CHRNA3: variants seen among roughly 807,000 people sequenced by gnomAD.
CHRNA3 encodes the protein cholinergic receptor nicotinic alpha 3 subunit, also known as neuronal acetylcholine receptor subunit alpha-3.
CHRNA3 carries 34 observed loss-of-function variants against 41.9 expected under a neutral mutation model. The ratio of observed to expected loss-of-function variants is 0.81; its 90% CI spans 0.62 to 1.08. The LOEUF is 1.08. Among genes scored for constraint, CHRNA3 ranks in the 50% least tolerant of loss-of-function variants. The pLI is 0.00. For missense variants in CHRNA3, 542 were observed against 638.3 expected (o/e 0.85, Z 1.63); for synonymous variants, 281 against 265.2 (o/e 1.06, Z -0.58).
At chr15:78,605,010 C>CTCAG (rs10634522) in intron 4 of CHRNA3, among the ~76,000 whole-genome samples, 150,504 of 151,970 alleles carry the variant, frequency 0.99, 74,545 homozygotes, top group East Asian at 1. Context: ...GAGATTCTGT[C>CTCAG]TCAGTCAATC....
rs1405021993 is a variant in CHRNA3, at chr15:78,601,307, G to A, written c.1335C>T (p.Ile445=). 1 of 1,614,120 alleles carries A rather than the reference G, an allele frequency of 6.2e-7. No individual in the cohort carries two copies. Among genetic ancestry groups the A allele is most frequent in the Non-Finnish European group, 8.5e-7 (1 of 1,180,016 alleles). The change falls in exon 5 of 6, where the codon ATC becomes ATT. Residue 445 remains isoleucine, a synonymous_variant. Transcript: ENST00000326828. The stretch of plus-strand genomic sequence containing the variant: ...TTTCAGCAATATACTTGACACTTTG[G>A]ATGGCTTCTTTGATTTCTGGTGACA... ...SALSPEIKEA[I]QSVKYIAENM...
chr15:78,598,892 G>C (rs2053153934), intron 5 of CHRNA3, among the ~76,000 whole-genome samples: 1 of 144,278 alleles, frequency 6.9e-6, no homozygotes, highest in South Asian at 2.2e-4. Context: ...GGAGTCCAGT[G>C]GTGTGATCTT....
Position 78,618,677 on chromosome 15 carries a change from A to G in CHRNA3, c.223-16T>C, listed in dbSNP as rs1241522015. 2 of 1,613,760 alleles carry G rather than the reference A, an allele frequency of 1.2e-6. No homozygotes were observed. The highest frequency in any genetic ancestry group is 2.2e-5 in the South Asian group (2 of 91,090). ...TTACTTCATCCTAGAAAGAGGAATT[A>G]AAGTTGACAGGAGAATTACAAAACA... On this transcript the variant is annotated splice_polypyrimidine_tract_variant and intron_variant, in intron 2 of 5. Coordinates refer to ENST00000326828, the MANE Select transcript of CHRNA3 (RefSeq NM_000743.5).
rs1276549912 is a variant in CHRNA3 at position 78,620,808 on chromosome 15, G to T, written c.-14C>A. On this transcript the variant is annotated 5_prime_UTR_variant, in exon 1 of 6. Coordinates refer to ENST00000326828, the MANE Select transcript of CHRNA3 (RefSeq NM_000743.5). ...GCCAGAGCCCATGGCTGGTGGCCGG[G>T]CTGGCCGCGGACCCGGACGGTCGGG... 1 of 1,411,202 alleles carries T rather than the reference G, an allele frequency of 7.1e-7. No individual in the cohort carries two copies. Among genetic ancestry groups the T allele is most frequent in the Non-Finnish European group, 9.2e-7 (1 of 1,090,554 alleles). The allele number at this position is 1,411,202 out of a possible 1,614,324, so 87.4% of individuals were successfully genotyped here.
intron 2 of CHRNA3, 23 bp downstream of exon 2, chr15:78,618,753 G>T (rs1193013356): frequency 6.2e-7 from 1 of 1,614,058 alleles, no homozygotes; most frequent in East Asian, 2.2e-5. Flanking sequence ...CCATGGCCAC[G>T]GCTCGTGGCT....
In CHRNA3 at chr15:78,618,600, AG is replaced by A. The variant is rs1169853736; in HGVS notation, c.267+16del. Reference sequence around the variant, plus strand: ...TCACCACCAGGGGGCAGCAGTGCCTAGGGTCTGGTCACTTACTTGCTTGAGC... The same window carrying A: ...TCACCACCAGGGGGCAGCAGTGCCTAGGTCTGGTCACTTACTTGCTTGAGC... On this transcript the variant is annotated intron_variant, in intron 3 of 5. Coordinates refer to ENST00000326828, the MANE Select transcript of CHRNA3 (RefSeq NM_000743.5). The A allele has an allele frequency of 1.2e-6, 2 of 1,613,980 alleles. No homozygotes were observed. The highest frequency in any genetic ancestry group is 4.5e-5 in the East Asian group (2 of 44,886).
intron 1 of CHRNA3, chr15:78,620,406 T>G: frequency 2.4e-5 from 6 of 251,950 alleles, no homozygotes; most frequent in Non-Finnish European, 4.6e-5. Context: ...GGGACGCGAA[T>G]CCCCAACTCC....
At chr15:78,618,744 C>T (rs747590936) in intron 2 of CHRNA3, 32 bp downstream of exon 2, 1 of 1,614,180 alleles carries the variant, frequency 6.2e-7, no homozygotes, top group Admixed American at 1.7e-5. Context: ...CCCCGGTCCC[C>T]ATGGCCACGG....
chr15:78,617,198 T>C (rs1470256050), intron 3 of CHRNA3, 65 bp from the exon 4 acceptor site: 3 of 1,011,020 alleles, frequency 3.0e-6, no homozygotes, highest in Admixed American at 4.0e-5. Context: ...TTACTTCCCG[T>C]GGCACCACCC....
chr15:78,602,300 T>A, intron 4 of CHRNA3, 36 bp from the exon 5 acceptor site: 1 of 1,592,300 alleles, frequency 6.3e-7, no homozygotes, highest in African/African-American at 1.3e-5. Flanking sequence ...TGACACACGG[T>A]CATTAACACT....
intron 4 of CHRNA3, among the ~76,000 whole-genome samples, chr15:78,613,471 C>CA (rs1232191569): frequency 1.4e-5 from 2 of 146,854 alleles, no homozygotes; most frequent in Non-Finnish European, 3.0e-5. Context: ...ATCGCAAGGA[C>CA]AAAAAACCAA....
chr15:78,607,713 C>T (rs1016566256), intron 4 of CHRNA3, among the ~76,000 whole-genome samples: 1 of 152,204 alleles, frequency 6.6e-6, no homozygotes, highest in East Asian at 1.9e-4. Context: ...GAGTGCCAGA[C>T]AGTGGGTGCA....
At chr15:78,607,857 GT>G (rs1156608837) in intron 4 of CHRNA3, among the ~76,000 whole-genome samples, 3 of 152,162 alleles carry the variant, frequency 2.0e-5, no homozygotes, top group Non-Finnish European at 4.4e-5. Context: ...GGAAAATCGG[GT>G]CACTCCCACC....
At chr15:78,614,780 C>T (rs2053437279) in intron 4 of CHRNA3, among the ~76,000 whole-genome samples, 2 of 152,150 alleles carry the variant, frequency 1.3e-5, no homozygotes, top group African/African-American at 4.8e-5. Flanking sequence ...TGATATTCTT[C>T]AATACCCAGA....
chr15:78,602,137 C>G lies in CHRNA3; in HGVS notation c.505G>C (p.Asp169His). Reference sequence around the variant, plus strand: ...AACTTCATGGTACAGTTTTGGTAATCAAACGGGAAGTAGGTCACGTCGATT... The same window carrying G: ...AACTTCATGGTACAGTTTTGGTAATGAAACGGGAAGTAGGTCACGTCGATT... ...CKIDVTYFPF[D>H]YQNCTMKFGS... The change falls in exon 5 of 6, where the codon GAT (aspartate) becomes CAT (histidine). Residue 169 changes from aspartate to histidine, a missense_variant. Coordinates refer to ENST00000326828, the MANE Select transcript of CHRNA3 (RefSeq NM_000743.5). 1 of 1,614,122 alleles carries G rather than the reference C, an allele frequency of 6.2e-7. No individual in the cohort carries two copies.
intron 4 of CHRNA3, among the ~76,000 whole-genome samples, chr15:78,610,274 T>C (rs1417865201): frequency 6.6e-6 from 1 of 152,162 alleles, no homozygotes; most frequent in Non-Finnish European, 1.5e-5. Context: ...GAACATACAT[T>C]TTTTTCAGCA....
chr15:78,600,126 GGCTGGAGTGCAGTGGCATGATCACA>G (rs2053175354), intron 5 of CHRNA3: 1 of 152,076 alleles, frequency 6.6e-6, no homozygotes. Flanking sequence ...CTGTTACCCA[GGCTGGAGTGCAGTGGCATGATCACA>G]GCTCACTAGA....
At chr15:78,618,999 C>T (rs1250386001) in intron 1 of CHRNA3, 84 bp from the exon 2 acceptor site, 9 of 1,456,778 alleles carry the variant, frequency 6.2e-6, no homozygotes, top group Non-Finnish European at 8.5e-6. Flanking sequence ...CACCCATCTA[C>T]AGCATCCCCT....
Position 78,595,982 on chromosome 15 carries a change from T to G in CHRNA3, c.*622A>C. Reference sequence around the variant, plus strand: ...AACCTCCAAAACTGAGAAGTTTCTGTTGTTTATAATCCACCCAGTTTATGG... The same window carrying G: ...AACCTCCAAAACTGAGAAGTTTCTGGTGTTTATAATCCACCCAGTTTATGG... On this transcript the variant is annotated 3_prime_UTR_variant, in exon 6 of 6. Transcript: ENST00000326828. 1.1e-6 allele frequency: 1 copy of G among 891,280 alleles called. No individual in the cohort carries two copies. The highest frequency in any genetic ancestry group is 1.3e-6 in the Non-Finnish European group (1 of 744,908). The allele number at this position is 891,280 out of a possible 1,614,324, so 55.2% of individuals were successfully genotyped here.
Sources: allele counts gnomAD v4.1 joint callset (sites outside exome capture counted in the v4.1 genomes callset), GRCh38; gene constraint gnomAD v4.1.1; transcripts MANE v1.5; gene names NCBI Gene and HGNC (gene_info 2026-07-23, HGNC 2026-07-21).